Variants in ARHGAP15 observed in about 807,000 individuals in gnomAD.
ARHGAP15 encodes rho GTPase-activating protein 15.
A neutral mutation model predicts 63.7 loss-of-function variants in ARHGAP15; 51 were observed. That is an observed-to-expected ratio of 0.80 (90% CI 0.64 to 1.01). ARHGAP15 has a LOEUF of 1.01. ARHGAP15 is among the 50% of genes least tolerant of loss of function. The probability of loss-of-function intolerance (pLI) is 0.00; values close to 1 mark genes in which losing one functional copy is unlikely to be tolerated. For missense variants in ARHGAP15, 560 were observed against 564.6 expected (o/e 0.99, Z 0.08); for synonymous variants, 191 against 193.8 (o/e 0.99, Z 0.12).
chr2:143,544,472 TAC>T (rs1695238108), intron 10 of ARHGAP15, among the ~76,000 whole-genome samples: 1 of 152,220 alleles, frequency 6.6e-6, no homozygotes, highest in Non-Finnish European at 1.5e-5. Flanking sequence ...ATGTATATAC[TAC>T]ACACATGTGT....
At chr2:143,463,755 G>A (rs1187831336) in intron 8 of ARHGAP15, among the ~76,000 whole-genome samples, 4 of 152,026 alleles carry the variant, frequency 2.6e-5, no homozygotes, top group African/African-American at 9.7e-5. Flanking sequence ...TTAACTTAAA[G>A]TCTGATTATT....
intron 10 of ARHGAP15, among the ~76,000 whole-genome samples, chr2:143,552,468 T>C (rs1004418144): frequency 6.6e-6 from 1 of 152,088 alleles, no homozygotes; most frequent in Non-Finnish European, 1.5e-5. Flanking sequence ...TCATAACAGC[T>C]GCATTCTTTC....
chr2:143,235,958 A>G, intron 5 of ARHGAP15: 4 of 1,546,760 alleles, frequency 2.6e-6, no homozygotes, highest in Non-Finnish European at 3.5e-6. Context: ...CTTCTGCTTG[A>G]TGTGTTCAGG....
chr2:143,525,494 TTA>T (rs1245102932), intron 10 of ARHGAP15, among the ~76,000 whole-genome samples: 1 of 152,046 alleles, frequency 6.6e-6, no homozygotes, highest in Non-Finnish European at 1.5e-5. Context: ...TTTTCATGCC[TTA>T]TGTTAGGCAT....
intron 13 of ARHGAP15, among the ~76,000 whole-genome samples, chr2:143,712,944 T>G (rs1202234738): frequency 1.3e-5 from 2 of 152,168 alleles, no homozygotes; most frequent in Non-Finnish European, 2.9e-5. Flanking sequence ...AGGGCAGAAA[T>G]TTGTGTCATT....
chr2:143,161,154 T>C (rs1036380170), intron 2 of ARHGAP15, among the ~76,000 whole-genome samples: 1 of 152,026 alleles, frequency 6.6e-6, no homozygotes, highest in African/African-American at 2.4e-5. Context: ...GTTTTGATAG[T>C]TGTCGGCACA....
intron 6 of ARHGAP15, among the ~76,000 whole-genome samples, chr2:143,373,465 C>T (rs550259317): frequency 1.3e-5 from 2 of 151,856 alleles, no homozygotes; most frequent in East Asian, 3.9e-4. Flanking sequence ...ATCATCTCTA[C>T]TAAAAATACA....
At chr2:143,638,264 A>G (rs1408991303) in intron 12 of ARHGAP15, among the ~76,000 whole-genome samples, 1 of 144,782 alleles carries the variant, frequency 6.9e-6, no homozygotes, top group Non-Finnish European at 1.5e-5. Context: ...ATGTCCAACA[A>G]TGATAGACTG....
At chr2:143,443,651 GA>G (rs1001165257) in intron 8 of ARHGAP15, among the ~76,000 whole-genome samples, 1 of 151,914 alleles carries the variant, frequency 6.6e-6, no homozygotes, top group African/African-American at 2.4e-5. Context: ...AGTTGGTAAA[GA>G]AAAAAATTGA....
chr2:143,703,350 T>G, intron 12 of ARHGAP15, 69 bp from the exon 13 acceptor site: 1 of 1,314,310 alleles, frequency 7.6e-7, no homozygotes, highest in Non-Finnish European at 1.0e-6. Flanking sequence ...CTCAAGAAAA[T>G]TTTCTCATGT....
intron 11 of ARHGAP15, among the ~76,000 whole-genome samples, chr2:143,617,121 AT>A (rs1216305698): frequency 6.6e-6 from 1 of 152,196 alleles, no homozygotes; most frequent in Non-Finnish European, 1.5e-5. Context: ...TAGGCAGGCA[AT>A]TTTTCAACTA....
At chr2:143,747,242 A>G (rs1202597370) in intron 13 of ARHGAP15, among the ~76,000 whole-genome samples, 2 of 151,844 alleles carry the variant, frequency 1.3e-5, no homozygotes, top group Non-Finnish European at 2.9e-5. Context: ...GTATCCCAGA[A>G]CTTAAAAAAA....
At position 143,307,939 on chromosome 2, in the gene ARHGAP15, T is replaced by A. The variant is rs77837535; in HGVS notation, c.474+57339T>A. ...GAAAAGCCTTAGTTTTAGTCTTTCA[T>A]GAACAAGAAACTAGATACAGCACAC... On this transcript the variant is annotated intron_variant, in intron 6 of 13. Coordinates refer to ENST00000295095, the MANE Select transcript of ARHGAP15 (RefSeq NM_018460.4). Among the ~76,000 whole-genome samples the A allele has an allele frequency of 3.7e-3, 564 of 152,270 alleles. 6 individuals are homozygous for A. Among genetic ancestry groups the A allele is most frequent in the African/African-American group, 0.012 (519 of 41,568 alleles).
intron 5 of ARHGAP15, among the ~76,000 whole-genome samples, chr2:143,248,593 C>T (rs1440973526): frequency 6.6e-6 from 1 of 152,124 alleles, no homozygotes; most frequent in African/African-American, 2.4e-5. Flanking sequence ...TTCTTACCTA[C>T]AACTTAGTGA....
chr2:143,212,798 T>C (rs906873604), intron 3 of ARHGAP15, among the ~76,000 whole-genome samples: 1 of 152,224 alleles, frequency 6.6e-6, no homozygotes, highest in African/African-American at 2.4e-5. Context: ...CGGCACACTA[T>C]GAGGCTCCCA....
intron 6 of ARHGAP15, among the ~76,000 whole-genome samples, chr2:143,350,055 T>C (rs1574316323): frequency 6.6e-6 from 1 of 152,174 alleles, no homozygotes; most frequent in African/African-American, 2.4e-5. Context: ...ATTATCGTAG[T>C]TTTATTTTTA....
At chr2:143,287,069 C>T (rs1450049685) in intron 6 of ARHGAP15, among the ~76,000 whole-genome samples, 5 of 152,084 alleles carry the variant, frequency 3.3e-5, no homozygotes, top group Admixed American at 2.0e-4. Context: ...AATGGTTTGA[C>T]CTGAGTTTTT....
chr2:143,564,366 G>A (rs192030227), intron 11 of ARHGAP15, among the ~76,000 whole-genome samples: 32 of 152,204 alleles, frequency 2.1e-4, no homozygotes, highest in African/African-American at 7.2e-4. Context: ...GGATAATTAG[G>A]GGTCATCTTA....
intron 8 of ARHGAP15, among the ~76,000 whole-genome samples, chr2:143,469,375 T>C (rs939482553): frequency 3.3e-5 from 5 of 152,186 alleles, no homozygotes; most frequent in Admixed American, 1.3e-4. Flanking sequence ...TACAACCTGC[T>C]CTACCGATGT....
Sources: gnomAD v4.1 joint callset for allele counts (sites outside exome capture counted in the v4.1 genomes callset) on GRCh38, gnomAD v4.1.1 for gene constraint, MANE v1.5 for transcripts, NCBI Gene and HGNC (gene_info 2026-07-23, HGNC 2026-07-21) for gene names.